The following SGCD variants were observed in gnomAD, a reference collection of about 807,000 sequenced individuals.
SGCD encodes the protein delta-sarcoglycan.
A neutral mutation model predicts 36.6 loss-of-function variants in SGCD; 18 were observed. That is an observed-to-expected ratio of 0.49 (90% CI 0.34 to 0.73). SGCD has a LOEUF of 0.73. Among genes scored for constraint, SGCD ranks in the 30% least tolerant of loss-of-function variants. SGCD has a pLI of 0.01. For missense variants in SGCD, 387 were observed against 346.7 expected, an observed-to-expected ratio of 1.12 and a Z score of -0.92; for synonymous variants, 133 against 130.6, an observed-to-expected ratio of 1.02 and a Z score of -0.12.
chr5:156,002,330 C>G (rs1313455310), intron 1 of SGCD, among the ~76,000 whole-genome samples: 3 of 152,190 alleles, frequency 2.0e-5, no homozygotes, highest in Non-Finnish European at 4.4e-5. Flanking sequence ...GCCGGCCCTA[C>G]CTACCCTTTG....
intron 3 of SGCD, among the ~76,000 whole-genome samples, chr5:156,350,258 T>TATATATATATAC: frequency 7.0e-6 from 1 of 143,208 alleles, no homozygotes; most frequent in African/African-American, 2.5e-5. Context: ...TATATATATA[T>TATATATATATAC]ATATATGTAC....
the SGCD span, among the ~76,000 whole-genome samples, chr5:155,777,891 C>T: frequency 6.6e-6 from 1 of 152,132 alleles, no homozygotes; most frequent in Non-Finnish European, 1.5e-5. Flanking sequence ...ATTCACAACA[C>T]TGAAAGTTGT....
rs565754138 is a variant in SGCD at position 156,418,565 on chromosome 5, A to G, written c.192+73888A>G. On this transcript the variant is annotated intron_variant, in intron 3 of 8. Transcript: ENST00000337851. The stretch of plus-strand genomic sequence containing the variant: ...TCAGAGTGCCAGGTAGAAAGTTCCC[A>G]AATGTGCTTTTCTGGATCTTGCATT... Among the ~76,000 whole-genome samples the G allele has an allele frequency of 1.8e-3, 277 of 152,292 alleles. 2 individuals are homozygous for G. The highest frequency in any genetic ancestry group is 1.2e-3 in the Non-Finnish European group (79 of 68,016).
chr5:156,237,744 A>C (rs1166830983), intron 3 of SGCD, among the ~76,000 whole-genome samples: 1 of 152,210 alleles, frequency 6.6e-6, no homozygotes, highest in Admixed American at 6.5e-5. Context: ...ATCTGTGTTC[A>C]CCCTAACTAT....
At chr5:156,124,749 TTGGG>T (rs573060516) in intron 3 of SGCD, among the ~76,000 whole-genome samples, 1 of 151,766 alleles carries the variant, frequency 6.6e-6, no homozygotes, top group Non-Finnish European at 1.5e-5. Context: ...AGATAGAGTG[TTGGG>T]GAGGGAGGGA....
At position 156,608,020 on chromosome 5, in the gene SGCD, G is replaced by A. The variant is rs539670658; in HGVS notation, c.502+12969G>A. ...CTCCTGGATTCATTGAGCTTTTGAA[G>A]GGTTTTTGGTGTCTCTATTTCCTTC... On this transcript the variant is annotated intron_variant, in intron 6 of 8. Transcript: ENST00000337851. Among the ~76,000 whole-genome samples, 8 of 152,242 alleles carry A rather than the reference G, an allele frequency of 5.3e-5. No homozygotes were observed. The East Asian group carries it at 1.5e-3, about 29-fold the overall frequency.
intron 1 of SGCD, among the ~76,000 whole-genome samples, chr5:156,016,380 A>G (rs1035531120): frequency 2.6e-5 from 4 of 152,064 alleles, no homozygotes; most frequent in African/African-American, 7.2e-5. Context: ...TTTTGTTCCC[A>G]TTCTTGCTGA....
chr5:156,256,685 G>A (rs1017334355), intron 3 of SGCD, among the ~76,000 whole-genome samples: 3 of 152,150 alleles, frequency 2.0e-5, no homozygotes, highest in Non-Finnish European at 2.9e-5. Flanking sequence ...ACATTTAGAA[G>A]TGAAATTGCT....
At chr5:155,998,619 A>G (rs543978728) in intron 1 of SGCD, among the ~76,000 whole-genome samples, 1 of 152,278 alleles carries the variant, frequency 6.6e-6, no homozygotes. Context: ...CTGTCTTGTC[A>G]ACCTTAAATT....
intron 4 of SGCD, among the ~76,000 whole-genome samples, chr5:156,584,393 C>T (rs1233370196): frequency 1.3e-5 from 2 of 152,146 alleles, no homozygotes; most frequent in African/African-American, 4.8e-5. Context: ...AGTGTCTATG[C>T]CCCCTGGTAG....
chr5:155,968,979 T>C (rs1235023262), intron 1 of SGCD, among the ~76,000 whole-genome samples: 1 of 152,182 alleles, frequency 6.6e-6, no homozygotes, highest in Admixed American at 6.6e-5. Flanking sequence ...ATTTTGTAGA[T>C]CTATCCACAT....
intron 7 of SGCD, among the ~76,000 whole-genome samples, chr5:156,736,851 G>A (rs1263665620): frequency 3.9e-5 from 6 of 152,118 alleles, no homozygotes; most frequent in Non-Finnish European, 7.4e-5. Context: ...CTTCTGACTT[G>A]TTCAGCCCTC....
intron 3 of SGCD, among the ~76,000 whole-genome samples, chr5:156,289,475 A>G (rs1766701786): frequency 6.6e-6 from 1 of 151,256 alleles, no homozygotes; most frequent in Admixed American, 6.6e-5. Context: ...CACCCCCCAC[A>G]GGCCCCGTTG....
At chr5:156,138,824 A>T (rs990848856) in intron 3 of SGCD, among the ~76,000 whole-genome samples, 20 of 152,158 alleles carry the variant, frequency 1.3e-4, no homozygotes, top group African/African-American at 4.8e-4. Context: ...AGATCCAATT[A>T]TTCTATTTTC....
chr5:156,389,345 G>C (rs1423253123), intron 3 of SGCD, among the ~76,000 whole-genome samples: 1 of 152,146 alleles, frequency 6.6e-6, no homozygotes, highest in South Asian at 2.1e-4. Flanking sequence ...CCAAACTAGG[G>C]TTTCCCTCCT....
intron 3 of SGCD, among the ~76,000 whole-genome samples, chr5:156,438,762 CA>C (rs1267017735): frequency 6.6e-6 from 1 of 152,120 alleles, no homozygotes; most frequent in Non-Finnish European, 1.5e-5. Flanking sequence ...CCTTCTATGG[CA>C]CCTAGTTTAA....
chr5:156,367,118 T>C (rs1770147020), intron 3 of SGCD, among the ~76,000 whole-genome samples: 1 of 152,180 alleles, frequency 6.6e-6, no homozygotes, highest in Non-Finnish European at 1.5e-5. Flanking sequence ...TATTAACATA[T>C]GAAAAATTTC....
At chr5:155,796,529 C>G in the SGCD span, among the ~76,000 whole-genome samples, 28 of 151,562 alleles carry the variant, frequency 1.8e-4, no homozygotes, top group Non-Finnish European at 3.5e-4. Context: ...TTCGGCCGGG[C>G]GCGGTGGCTC....
intron 1 of SGCD, among the ~76,000 whole-genome samples, chr5:156,096,658 A>C (rs1761383208): frequency 6.6e-6 from 1 of 152,174 alleles, no homozygotes; most frequent in Admixed American, 6.5e-5. Flanking sequence ...CAGTCCCTGG[A>C]TTTTCTAAGC....
Sources: gnomAD v4.1 joint callset for allele counts (sites outside exome capture counted in the v4.1 genomes callset) on GRCh38, gnomAD v4.1.1 for gene constraint, MANE v1.5 for transcripts, NCBI Gene and HGNC (gene_info 2026-07-23, HGNC 2026-07-21) for gene names.